The following TOP3B variants were observed in gnomAD, a reference collection of about 807,000 sequenced individuals.
TOP3B encodes the protein DNA topoisomerase III beta, also known as DNA topoisomerase 3-beta-1.
In TOP3B, 45 loss-of-function variants were observed where a neutral mutation model predicts 93.9. That is an observed-to-expected ratio of 0.48 (90% CI 0.38 to 0.61). TOP3B has a LOEUF of 0.61. Ranked by LOEUF, TOP3B falls within the 20% of genes least tolerant of loss-of-function variation. The pLI, the probability that TOP3B is intolerant of heterozygous loss-of-function variation, is 0.00. For missense variants in TOP3B, 750 were observed against 1,156.1 expected (o/e 0.65, Z 5.09); for synonymous variants, 357 against 472.6 (o/e 0.76, Z 3.17).
chr22:21,957,345 G>T lies in TOP3B; in HGVS notation c.2358C>A (p.Ala786=). The change falls in exon 18 of 18, where the codon GCC becomes GCA. Residue 786 remains alanine, a synonymous_variant. Transcript: ENST00000357179. ...TCTCATCGCCCGGGAGTGGGGACTT[G>T]GCCTTGTTGAAGTCCACATCAAGCA... The part of the protein sequence containing the change: ...AALLDVDFNK[A]KSPLPGDETQ... 1.2e-6 allele frequency: 2 copies of T among 1,611,016 alleles called. No homozygotes were observed. The highest frequency in any genetic ancestry group is 1.7e-6 in the Non-Finnish European group (2 of 1,179,318).
Position 21,959,252 on chromosome 22 carries a change from A to G in TOP3B, c.1805-20T>C. On this transcript the variant is annotated intron_variant, in intron 15 of 17. Transcript: ENST00000357179. ...CCATGCCTGCGGGCAAGCAGAGTGC[A>G]GGAGTCATCTCCCTCCCAGTCCCCA... The G allele has an allele frequency of 6.2e-7, 1 of 1,610,574 alleles. No homozygotes were observed. Among genetic ancestry groups the G allele is most frequent in the Non-Finnish European group, 8.5e-7 (1 of 1,179,826 alleles).
chr22:21,966,035 GCACACAC>G (rs909385100), intron 8 of TOP3B: 4 of 152,174 alleles, frequency 2.6e-5, no homozygotes, highest in African/African-American at 4.8e-5. Flanking sequence ...GAAACCACAG[GCACACAC>G]CATCATGTCT....
Position 21,972,723 on chromosome 22 carries a change from A to G in TOP3B, c.203-5T>C, listed in dbSNP as rs1431780058. 12 of 1,612,054 alleles carry G rather than the reference A, an allele frequency of 7.4e-6. No individual in the cohort carries two copies. The highest frequency in any genetic ancestry group is 1.0e-5 in the Non-Finnish European group (12 of 1,178,580). On this transcript the variant is annotated splice_region_variant and splice_polypyrimidine_tract_variant and intron_variant, in intron 3 of 17. Transcript: ENST00000357179. Reference sequence around the variant, plus strand: ...TGTCCCATTTGTTGTATTTTCCTACAAACCAGTCACAGTGACATTGAGTCA... The same window carrying G: ...TGTCCCATTTGTTGTATTTTCCTACGAACCAGTCACAGTGACATTGAGTCA...
At chr22:21,978,846 C>T (rs5756306) in intron 1 of TOP3B, among the ~76,000 whole-genome samples, 75,429 of 151,982 alleles carry the variant, frequency 0.5, 18,974 homozygotes, top group African/African-American at 0.56. Context: ...CCTCTTGTTT[C>T]AGGATGGTGG....
intron 2 of TOP3B, 135 bp from the exon 3 acceptor site, chr22:21,974,623 G>A: frequency 1.0e-6 from 1 of 997,864 alleles, no homozygotes; most frequent in Non-Finnish European, 1.4e-6. Flanking sequence ...ACATTCCGCA[G>A]ACTGGTGCGG....
rs1261833869 is a variant in TOP3B at position 21,970,527 on chromosome 22, C to A, written c.385-121G>T. 1 of 985,652 alleles carries A rather than the reference C, an allele frequency of 1.0e-6. No individual in the cohort carries two copies. Among genetic ancestry groups the A allele is most frequent in the Admixed American group, 2.2e-5 (1 of 45,202 alleles). 61.1% of individuals were successfully genotyped at this position (985,652 alleles called of 1,614,324 possible). Reference sequence around the variant, plus strand: ...ACGTGTGCTCGGCTCCCTCTCCTGCCCCTGCCAGACCCTCCTCTATCCCCT... The same window carrying A: ...ACGTGTGCTCGGCTCCCTCTCCTGCACCTGCCAGACCCTCCTCTATCCCCT... On this transcript the variant is annotated intron_variant, in intron 5 of 17. Coordinates refer to ENST00000357179, the MANE Select transcript of TOP3B (RefSeq NM_001282112.2). This position sits in a 1 kb window ranked among gnomAD's most constrained non-coding sequence, Gnocchi z 4.4.
chr22:21,960,676 C>A lies in TOP3B; in HGVS notation c.1526-227G>T, dbSNP rs114080760. 3.0e-3 allele frequency: 1,693 copies of A among 572,410 alleles called. 29 individuals are homozygous for A. Among genetic ancestry groups the A allele is most frequent in the African/African-American group, 0.028 (1,482 of 53,218 alleles). 35.5% of individuals were successfully genotyped at this position (572,410 alleles called of 1,614,324 possible). A position where few individuals can be genotyped will look rare whatever the true frequency, so the allele number is the denominator to read the frequency against. ...CAAGGGCAGCCCTCCCTGTACAGGGCGCCTACTCCTGCTTTATGGCAGAGA... is the reference window on the plus strand; with the variant it reads ...CAAGGGCAGCCCTCCCTGTACAGGGAGCCTACTCCTGCTTTATGGCAGAGA... On this transcript the variant is annotated intron_variant, in intron 13 of 17. Transcript: ENST00000357179.
intron 14 of TOP3B, chr22:21,960,049 G>C: frequency 3.2e-6 from 2 of 621,860 alleles, no homozygotes; most frequent in Non-Finnish European, 5.5e-6. Flanking sequence ...CTTGGCCCCT[G>C]GGGAACCTCC....
rs1429141905 is a variant in TOP3B, at chr22:21,959,728, GC to G, written c.1662del (p.Glu554AspfsTer15). 5.0e-6 allele frequency: 8 copies of G among 1,612,842 alleles called. No individual in the cohort carries two copies. Among genetic ancestry groups the G allele is most frequent in the Non-Finnish European group, 6.8e-6 (8 of 1,179,736 alleles). ...LVHGYYKIDA[E>X]LVLPTIRSAV... ...GCACTGCGGATGGTGGGGAGCACCA[GC>G]TCTGCATCTGCAAGTGGGCAGGGGG... is the stretch of plus-strand genomic sequence containing the variant. On this transcript the variant is annotated frameshift_variant, in exon 15 of 18. Coordinates refer to ENST00000357179, the MANE Select transcript of TOP3B (RefSeq NM_001282112.2). LOFTEE classifies it high-confidence loss of function.
At position 21,978,749 on chromosome 22, in the gene TOP3B, T is replaced by C. The variant is rs191160562; in HGVS notation, c.-98-2942A>G. On this transcript the variant is annotated intron_variant, in intron 1 of 17. Transcript: ENST00000357179. ...CAAACAGAGCCCTGGGTAATCCTGA[T>C]GGGGCCATGTGGTGAGTGACAGATG... is the stretch of plus-strand genomic sequence containing the variant. 1.4e-4 allele frequency among the ~76,000 whole-genome samples: 22 copies of C among 152,258 alleles called. No individual in the cohort carries two copies. In the East Asian group the frequency reaches 4.1e-3, roughly 28 times the overall value.
In TOP3B at chr22:21,974,439, CT is replaced by C. The variant is rs776665225; in HGVS notation, c.119del (p.Glu40GlyfsTer15). On this transcript the variant is annotated frameshift_variant, in exon 3 of 18. Coordinates refer to ENST00000357179, the MANE Select transcript of TOP3B (RefSeq NM_001282112.2). LOFTEE classifies it high-confidence loss of function. Reference sequence around the variant, plus strand: ...GCTGGCCAGCAAAGGTCCCAGTGTACTCGTGGACTGAGCAGGCCCCGTTCAG... The same window carrying C: ...GCTGGCCAGCAAAGGTCCCAGTGTACCGTGGACTGAGCAGGCCCCGTTCAG... The part of the protein sequence containing the change: ...KGLNGACSVH[E>X]YTGTFAGQPV... 6.2e-7 allele frequency: 1 copy of C among 1,614,094 alleles called. No homozygotes were observed. The highest frequency in any genetic ancestry group is 8.5e-7 in the Non-Finnish European group (1 of 1,179,962).
chr22:21,970,322 C>T lies in TOP3B; in HGVS notation c.469G>A (p.Asp157Asn). 6.2e-7 allele frequency: 1 copy of T among 1,614,098 alleles called. No homozygotes were observed. Among genetic ancestry groups the T allele is most frequent in the Non-Finnish European group, 8.5e-7 (1 of 1,180,008 alleles). ...GCCATGGCATTACAGATGTCTGTGT[C>T]CGTGATGGAGCTAAACCTGGCCCGG... ...VFRARFSSIT[D>N]TDICNAMACL... Residue 157 changes from aspartate (D) to asparagine (N), a missense_variant, in exon 6 of 18, where the codon GAC (aspartate) becomes AAC (asparagine). Physicochemically the swap from Asp to Asn is conservative, Grantham distance 23. This residue lies in a region of TOP3B where 737 missense variants were observed against 933.7 expected (regional missense o/e 0.79). Coordinates refer to ENST00000357179, the MANE Select transcript of TOP3B (RefSeq NM_001282112.2). The surrounding 1 kb of genome is among the most constrained non-coding windows in gnomAD (Gnocchi z 4.4).
intron 1 of TOP3B, among the ~76,000 whole-genome samples, chr22:21,980,701 C>T (rs936813590): frequency 6.6e-6 from 1 of 152,244 alleles, no homozygotes; most frequent in Admixed American, 6.5e-5. Flanking sequence ...TCTCCCAAGG[C>T]TCTGCTGCGC....
In TOP3B at chr22:21,972,661, G is replaced by A. The variant is rs754936810; in HGVS notation, c.260C>T (p.Thr87Met). 6 of 1,612,268 alleles carry A rather than the reference G, an allele frequency of 3.7e-6. No homozygotes were observed. Among genetic ancestry groups the A allele is most frequent in the African/African-American group, 2.7e-5 (2 of 74,756 alleles). Reference protein sequence around the residue: ...DPAELFSQAPTEKKEANPKLN... With the variant: ...DPAELFSQAPMEKKEANPKLN... ...CTTGGGGTTAGCTTCTTTCTTCTCC[G>A]TGGGAGCTTGGCTGAACAGTTCTGC... The change falls in exon 4 of 18, where the codon ACG becomes ATG. Residue 87 changes from threonine to methionine, a missense_variant. By Grantham distance (81) the Thr-to-Met change is moderately conservative (BLOSUM62 -1). Around this residue, in one of 4 missense-constraint regions of TOP3B, gnomAD observed 737 missense variants for 933.7 expected, o/e 0.79. Transcript: ENST00000357179.
chr22:21,971,212 G>A lies in TOP3B; in HGVS notation c.384+665C>T. 5.2e-6 allele frequency: 2 copies of A among 385,758 alleles called. No homozygotes were observed. Among genetic ancestry groups the A allele is most frequent in the Non-Finnish European group, 9.2e-6 (2 of 217,032 alleles). 23.9% of individuals were successfully genotyped at this position (385,758 alleles called of 1,614,324 possible). On this transcript the variant is annotated intron_variant, in intron 5 of 17. Transcript: ENST00000357179. This position sits in a 1 kb window ranked among gnomAD's most constrained non-coding sequence, Gnocchi z 4.6. ...CTGAGGGTGCTGTACTGCAACGCCA[G>A]GTGCCTCAGCTCTGTCTCACTGACC...
In TOP3B at chr22:21,958,647, G is replaced by A. The variant is rs145437207; in HGVS notation, c.1952C>T (p.Thr651Met). ...LHCSHCDETY[T>M]LPQNGTIKLY... ...CTTGATGGTGCCGTTCTGGGGGAGCGTGTAGGTCTCATCGCAGTGGGAGCA... is the reference window on the plus strand; with the variant it reads ...CTTGATGGTGCCGTTCTGGGGGAGCATGTAGGTCTCATCGCAGTGGGAGCA... The change falls in exon 17 of 18, where the codon ACG becomes ATG. Residue 651 changes from threonine (T) to methionine (M), a missense_variant. Thr to Met is a moderately conservative substitution (Grantham distance 81, BLOSUM62 -1). Around this residue, in one of 4 missense-constraint regions of TOP3B, gnomAD observed 737 missense variants for 933.7 expected, o/e 0.79. Coordinates refer to ENST00000357179, the MANE Select transcript of TOP3B (RefSeq NM_001282112.2). 6 of 1,613,168 alleles carry A rather than the reference G, an allele frequency of 3.7e-6. No individual in the cohort carries two copies. Among genetic ancestry groups the A allele is most frequent in the East Asian group, 2.2e-5 (1 of 44,862 alleles).
intron 7 of TOP3B, 187 bp downstream of exon 7, chr22:21,968,432 G>A: frequency 1.5e-6 from 1 of 648,812 alleles, no homozygotes; most frequent in Non-Finnish European, 2.6e-6. Flanking sequence ...TACAGGCCCA[G>A]TCTCTTCCCA....
At chr22:21,967,980 G>A (rs2071479413) in intron 7 of TOP3B, 1 of 450,908 alleles carries the variant, frequency 2.2e-6, no homozygotes, top group African/African-American at 2.0e-5. Flanking sequence ...AAGCACCTGA[G>A]CCCCTACTTC....
intron 1 of TOP3B, among the ~76,000 whole-genome samples, chr22:21,979,183 A>G (rs1355675980): frequency 1.3e-5 from 2 of 151,592 alleles, no homozygotes; most frequent in Non-Finnish European, 2.9e-5. Flanking sequence ...TCGAGGGGAG[A>G]GATTACAAGG....
Sources: allele counts gnomAD v4.1 joint callset (sites outside exome capture counted in the v4.1 genomes callset), GRCh38; gene constraint gnomAD v4.1.1; regional missense constraint gnomAD v4.1.1; non-coding constraint Gnocchi (gnomAD v3.1); transcripts MANE v1.5; gene names NCBI Gene and HGNC (gene_info 2026-07-23, HGNC 2026-07-21).